The following EXOC2 variants were observed in gnomAD, a reference collection of about 807,000 sequenced individuals.
The protein encoded by EXOC2 is exocyst complex component 2, also known as SEC5-like 1.
In EXOC2, 70 loss-of-function variants were observed where a neutral mutation model predicts 131.8. The ratio of observed to expected loss-of-function variants is 0.53; its 90% CI spans 0.44 to 0.65. The LOEUF (loss-of-function observed/expected upper bound fraction) is 0.65. EXOC2 is among the 30% of genes least tolerant of loss of function. EXOC2 has a pLI of 0.00. For missense variants in EXOC2, 923 were observed against 1,108.6 expected (o/e 0.83, Z 2.38); for synonymous variants, 411 against 398.4 (o/e 1.03, Z -0.38).
chr6:683,842 C>T (rs527798645), intron 1 of EXOC2, among the ~76,000 whole-genome samples: 3 of 152,170 alleles, frequency 2.0e-5, no homozygotes, highest in Non-Finnish European at 2.9e-5. Flanking sequence ...TCAACAGTGC[C>T]GTTAACATTT....
At position 486,051 on chromosome 6, in the gene EXOC2, C is replaced by CAGAT. The variant is rs1264169169; in HGVS notation, c.*616_*619dup. On this transcript the variant is annotated 3_prime_UTR_variant, in exon 28 of 28. Transcript: ENST00000230449. ...GCTTAGCCCTGTGAAAAATAAAAAT[C>CAGAT]AGATAGCAAAACGCAAAGTTAAATC... 6.6e-6 allele frequency: 1 copy of CAGAT among 152,170 alleles called. No homozygotes were observed. Among genetic ancestry groups the CAGAT allele is most frequent in the Non-Finnish European group, 1.5e-5 (1 of 68,032 alleles). The allele number at this position is 152,170 out of a possible 1,614,324, so 9.4% of individuals were successfully genotyped here.
At chr6:612,361 AAGT>A (rs1203624489) in intron 6 of EXOC2, among the ~76,000 whole-genome samples, 5 of 152,254 alleles carry the variant, frequency 3.3e-5, no homozygotes, top group African/African-American at 1.2e-4. Flanking sequence ...ATATTTACTA[AAGT>A]AGGAGAAGAG....
chr6:691,316 A>C (rs1028548618), intron 1 of EXOC2, among the ~76,000 whole-genome samples: 4 of 152,190 alleles, frequency 2.6e-5, no homozygotes, highest in Admixed American at 2.0e-4. Flanking sequence ...ATCCACTTAT[A>C]CACGGATTTT....
intron 25 of EXOC2, among the ~76,000 whole-genome samples, chr6:495,615 G>A (rs1020557570): frequency 3.3e-5 from 5 of 152,318 alleles, no homozygotes; most frequent in Admixed American, 2.6e-4. Context: ...AAGTGCAGGA[G>A]CTCTTCCCTA....
intron 12 of EXOC2, among the ~76,000 whole-genome samples, chr6:573,810 G>A (rs1272655026): frequency 6.6e-6 from 1 of 151,924 alleles, no homozygotes; most frequent in Admixed American, 6.6e-5. Context: ...TCTACCTCCT[G>A]CCCCTCCACT....
At chr6:638,906 G>A (rs749379550) in intron 1 of EXOC2, among the ~76,000 whole-genome samples, 2 of 152,086 alleles carry the variant, frequency 1.3e-5, no homozygotes, top group Non-Finnish European at 2.9e-5. Flanking sequence ...TCTAGCCTGG[G>A]TGACAGAGTG....
At chr6:491,043 C>T (rs577981274) in intron 26 of EXOC2, 82 bp downstream of exon 26, 10 of 1,407,264 alleles carry the variant, frequency 7.1e-6, no homozygotes, top group East Asian at 2.3e-5. Flanking sequence ...TCTGATCAGT[C>T]ATCTTTACAG....
At chr6:632,833 T>C (rs1269506781) in intron 3 of EXOC2, 108 bp downstream of exon 3, 4 of 1,057,582 alleles carry the variant, frequency 3.8e-6, no homozygotes, top group Non-Finnish European at 5.4e-6. Flanking sequence ...TAAATCTAAG[T>C]TGAGATATGC....
chr6:607,342 A>G (rs9405841), intron 7 of EXOC2, among the ~76,000 whole-genome samples: 92,574 of 152,162 alleles, frequency 0.61, 29,858 homozygotes, highest in Middle Eastern at 0.73. Context: ...TGGCTCAATT[A>G]ATCTTCTGGG....
At chr6:525,749 GAT>G (rs1464349841) in intron 23 of EXOC2, among the ~76,000 whole-genome samples, 1 of 152,068 alleles carries the variant, frequency 6.6e-6, no homozygotes, top group Non-Finnish European at 1.5e-5. Flanking sequence ...CCCCTTTCAA[GAT>G]ATGTGTATAC....
chr6:649,269 C>G (rs893850338), intron 1 of EXOC2, among the ~76,000 whole-genome samples: 5 of 152,182 alleles, frequency 3.3e-5, no homozygotes, highest in Admixed American at 3.3e-4. Context: ...AAAGTTAATA[C>G]AGATGAGAAT....
rs1232151482 is a variant in EXOC2 at position 576,758 on chromosome 6, G to A, written c.1317C>T (p.Asp439=). ...RGSSFQSGRD[D]TWRYKTPHRV... ...GTGGCAGTGGAGGGAGATACTTACT[G>A]TCGTCTCGACCAGACTGAAAGCTGC... The change falls in exon 12 of 28, where the codon GAC becomes GAT. Residue 439 remains aspartate (D), a splice_region_variant and synonymous_variant. Transcript: ENST00000230449. The A allele has an allele frequency of 2.5e-6, 4 of 1,613,276 alleles. No individual in the cohort carries two copies. The highest frequency in any genetic ancestry group is 3.3e-5 in the Admixed American group (2 of 59,944).
chr6:608,839 G>C (rs912031161), intron 7 of EXOC2, among the ~76,000 whole-genome samples: 2 of 152,160 alleles, frequency 1.3e-5, no homozygotes, highest in African/African-American at 2.4e-5. Flanking sequence ...ATCATAGTTT[G>C]ATAACTTCTC....
intron 6 of EXOC2, among the ~76,000 whole-genome samples, chr6:614,117 G>A (rs543542811): frequency 6.6e-5 from 10 of 152,142 alleles, no homozygotes; most frequent in African/African-American, 2.2e-4. Flanking sequence ...TAGGTCCTGG[G>A]AGGTAATCTC....
At chr6:616,559 C>T (rs1302383938) in intron 6 of EXOC2, among the ~76,000 whole-genome samples, 1 of 139,452 alleles carries the variant, frequency 7.2e-6, no homozygotes, top group Non-Finnish European at 1.5e-5. Flanking sequence ...GCTGAGATCG[C>T]GCCACAGCAC....
intron 1 of EXOC2, among the ~76,000 whole-genome samples, chr6:690,428 C>T (rs1047260628): frequency 6.6e-6 from 1 of 152,104 alleles, no homozygotes; most frequent in Non-Finnish European, 1.5e-5. Context: ...CATAATTTCC[C>T]GGCCCGGCGC....
chr6:638,069 A>G (rs930989609), intron 1 of EXOC2, among the ~76,000 whole-genome samples: 5 of 152,214 alleles, frequency 3.3e-5, no homozygotes, highest in Non-Finnish European at 7.3e-5. Context: ...CAAGAAAGAC[A>G]TAAGAATAAC....
At chr6:665,149 G>T (rs1199023752) in intron 1 of EXOC2, among the ~76,000 whole-genome samples, 1 of 152,134 alleles carries the variant, frequency 6.6e-6, no homozygotes, top group Admixed American at 6.5e-5. Context: ...CTCAAAAGAA[G>T]ATATACAAAT....
In EXOC2 at chr6:486,192, T is replaced by C. The variant is rs1763032531; in HGVS notation, c.*479A>G. On this transcript the variant is annotated 3_prime_UTR_variant, in exon 28 of 28. Transcript: ENST00000230449. Reference sequence around the variant, plus strand: ...AAAACTTAAGGCCATTTATATGAAATGAGGGTTTTAAGCACAGCTGTACAG... The same window carrying C: ...AAAACTTAAGGCCATTTATATGAAACGAGGGTTTTAAGCACAGCTGTACAG... 1 of 152,538 alleles carries C rather than the reference T, an allele frequency of 6.6e-6. No individual in the cohort carries two copies. Among genetic ancestry groups the C allele is most frequent in the South Asian group, 2.1e-4 (1 of 4,818 alleles). The allele number at this position is 152,538 out of a possible 1,614,324, so 9.4% of individuals were successfully genotyped here. A position where few individuals can be genotyped will look rare whatever the true frequency, so the allele number is the denominator to read the frequency against.
Sources: allele counts gnomAD v4.1 joint callset (sites outside exome capture counted in the v4.1 genomes callset), GRCh38; gene constraint gnomAD v4.1.1; transcripts MANE v1.5; gene names NCBI Gene and HGNC (gene_info 2026-07-23, HGNC 2026-07-21).